GPATCH2L: variants seen among roughly 807,000 people sequenced by gnomAD.
The protein encoded by GPATCH2L is G-patch domain containing 2 like, also known as G patch domain-containing protein 2-like.
A neutral mutation model predicts 57.4 loss-of-function variants in GPATCH2L; 31 were observed. The ratio of observed to expected loss-of-function variants is 0.54; its 90% CI spans 0.41 to 0.73. The LOEUF (loss-of-function observed/expected upper bound fraction) is 0.73. Ranked by LOEUF, GPATCH2L falls within the 30% of genes least tolerant of loss-of-function variation. The probability of loss-of-function intolerance (pLI) is 0.00; values close to 1 mark genes in which losing one functional copy is unlikely to be tolerated. For synonymous variants in GPATCH2L, 199 were observed against 210.7 expected, an observed-to-expected ratio of 0.94 and a Z score of 0.48; for missense variants, 481 against 599.9, an observed-to-expected ratio of 0.80 and a Z score of 2.07.
chr14:76,166,483 C>T (rs2038844612), intron 2 of GPATCH2L, among the ~76,000 whole-genome samples, 180 bp from the exon 3 acceptor site: 1 of 152,150 alleles, frequency 6.6e-6, no homozygotes, highest in African/African-American at 2.4e-5. Flanking sequence ...GAATTCTCCT[C>T]TTATATTTCT....
intron 8 of GPATCH2L, among the ~76,000 whole-genome samples, chr14:76,186,259 A>G (rs1003596498): frequency 2.6e-5 from 4 of 152,216 alleles, no homozygotes; most frequent in South Asian, 2.1e-4. Context: ...GTTAAAAAAA[A>G]AGAGAGAGAG....
intron 1 of GPATCH2L, among the ~76,000 whole-genome samples, chr14:76,223,603 A>T (rs922526661): frequency 2.0e-5 from 3 of 152,330 alleles, no homozygotes; most frequent in East Asian, 1.9e-4. Context: ...AAAATTTAAA[A>T]TTTTTTGCTT....
rs760387653 is a variant in GPATCH2L, at chr14:76,173,538, T to C, written c.905-8T>C. 1.8e-5 allele frequency: 29 copies of C among 1,594,510 alleles called. No homozygotes were observed. Among genetic ancestry groups the C allele is most frequent in the Non-Finnish European group, 2.3e-5 (27 of 1,167,104 alleles). ...ATTCGGTATCTGAGGCCTTCCTTCT[T>C]TTTTTAGGGTACCATACTCGCTTGA... On this transcript the variant is annotated splice_polypyrimidine_tract_variant and splice_region_variant and intron_variant, in intron 4 of 9. Transcript: ENST00000261530.
At chr14:76,153,592 C>T (rs1475974079) in intron 1 of GPATCH2L, 1 of 152,188 alleles carries the variant, frequency 6.6e-6, no homozygotes, top group African/African-American at 2.4e-5. Context: ...CATTTATTTT[C>T]TGGAGGGTAG....
At chr14:76,194,190 A>G (rs570089472) in intron 8 of GPATCH2L, among the ~76,000 whole-genome samples, 1 of 152,294 alleles carries the variant, frequency 6.6e-6, no homozygotes, top group Non-Finnish European at 1.5e-5. Flanking sequence ...GGTATGAAAA[A>G]GGAAGCGTTT....
intron 2 of GPATCH2L, chr14:76,230,038 T>G (rs2040553709): frequency 6.6e-6 from 1 of 152,088 alleles, no homozygotes; most frequent in Admixed American, 6.6e-5. Flanking sequence ...AAAGTGCAGG[T>G]TTCAATAGTA....
At chr14:76,172,100 A>C in intron 4 of GPATCH2L, 81 bp downstream of exon 4, 105 of 832,620 alleles carry the variant, frequency 1.3e-4, no homozygotes, top group Non-Finnish European at 1.9e-4. Context: ...AAGCATACTC[A>C]TGCCTTCAAT....
At chr14:76,228,869 G>C (rs2040548414) in intron 1 of GPATCH2L, among the ~76,000 whole-genome samples, 1 of 152,160 alleles carries the variant, frequency 6.6e-6, no homozygotes, top group Non-Finnish European at 1.5e-5. Flanking sequence ...GGGGGGCCTG[G>C]ATATCACATC....
In GPATCH2L at chr14:76,194,851, C is replaced by T. The variant is rs368192720; in HGVS notation, c.1194-1027C>T. ...TTTTAGAACTTTTATTCATTCATAGCAGTTTTAATCAACAGCTAATGAGGA... is the reference window on the plus strand; with the variant it reads ...TTTTAGAACTTTTATTCATTCATAGTAGTTTTAATCAACAGCTAATGAGGA... On this transcript the variant is annotated intron_variant, in intron 8 of 9. Coordinates refer to ENST00000261530, the MANE Select transcript of GPATCH2L (RefSeq NM_017926.4). Among the ~76,000 whole-genome samples the T allele has an allele frequency of 1.6e-3, 244 of 152,202 alleles. 11 individuals are homozygous for T. In the South Asian group the frequency reaches 0.044, roughly 27 times the overall value.
chr14:76,175,013 A>G (rs2039258549), intron 5 of GPATCH2L: 1 of 152,208 alleles, frequency 6.6e-6, no homozygotes. Context: ...TTACAGACAA[A>G]ACGCTGCTTT....
chr14:76,229,342 C>G (rs1391425618), intron 1 of GPATCH2L, among the ~76,000 whole-genome samples: 3 of 152,190 alleles, frequency 2.0e-5, no homozygotes, highest in East Asian at 3.9e-4. Flanking sequence ...AGGGACTAAA[C>G]TCTGTGGCCC....
intron 2 of GPATCH2L, among the ~76,000 whole-genome samples, chr14:76,231,963 T>TCTCACTGCAGG (rs1555385015): frequency 2.6e-4 from 15 of 57,728 alleles, no homozygotes; most frequent in South Asian, 8.7e-4. Context: ...GGCAAACACA[T>TCTCACTGCAGG]CTCACTGCAG....
At chr14:76,174,386 G>C (rs935553512) in intron 5 of GPATCH2L, 7 of 152,218 alleles carry the variant, frequency 4.6e-5, no homozygotes, top group African/African-American at 1.4e-4. Flanking sequence ...AGAAGATGGT[G>C]GTGGGCAAAG....
At chr14:76,171,230 C>A (rs577435945) in intron 3 of GPATCH2L, among the ~76,000 whole-genome samples, 12 of 149,334 alleles carry the variant, frequency 8.0e-5, no homozygotes, top group African/African-American at 2.5e-4. Flanking sequence ...CCCAGGAGTT[C>A]AAGAGCAGCC....
At chr14:76,198,555 C>T (rs1166185164) in intron 9 of GPATCH2L, among the ~76,000 whole-genome samples, 1 of 152,172 alleles carries the variant, frequency 6.6e-6, no homozygotes, top group Non-Finnish European at 1.5e-5. Context: ...ATCAGAAATT[C>T]TGTTGAGAAC....
intron 9 of GPATCH2L, 157 bp downstream of exon 9, chr14:76,196,129 A>G: frequency 1.4e-6 from 1 of 723,982 alleles, no homozygotes; most frequent in Non-Finnish European, 2.5e-6. Flanking sequence ...TAATTAGCCT[A>G]GTTCTTGCTG....
intron 8 of GPATCH2L, among the ~76,000 whole-genome samples, chr14:76,191,140 T>TA (rs1221364189): frequency 6.6e-6 from 1 of 152,150 alleles, no homozygotes; most frequent in Non-Finnish European, 1.5e-5. Flanking sequence ...TCCTTGTTGT[T>TA]ACTGCATTTG....
At chr14:76,157,300 C>G (rs1434655805) in intron 2 of GPATCH2L, among the ~76,000 whole-genome samples, 1 of 152,196 alleles carries the variant, frequency 6.6e-6, no homozygotes, top group African/African-American at 2.4e-5. Flanking sequence ...TGTGTTCAGC[C>G]TCTCTTCAAG....
chr14:76,154,826 G>T lies in GPATCH2L; in HGVS notation c.463G>T (p.Glu155Ter). 1 of 1,614,212 alleles carries T rather than the reference G, an allele frequency of 6.2e-7. No individual in the cohort carries two copies. Among genetic ancestry groups the T allele is most frequent in the South Asian group, 1.1e-5 (1 of 91,072 alleles). ...QKLKVSDWSY[E>*]RGCRFKSAKK... ...GCTGAAGGTGTCAGATTGGAGCTAT[G>T]AGAGAGGCTGCAGGTTCAAGTCTGC... Residue 155 changes from glutamate (E) to a stop codon, truncating the protein, a stop_gained, in exon 2 of 10, where the codon GAG (glutamate) becomes TAG (stop). Transcript: ENST00000261530. LOFTEE classifies it high-confidence loss of function. The surrounding 1 kb of genome is among the most constrained non-coding windows in gnomAD (Gnocchi z 4.4).
Sources: gnomAD v4.1 joint callset for allele counts (sites outside exome capture counted in the v4.1 genomes callset) on GRCh38, gnomAD v4.1.1 for gene constraint, Gnocchi (gnomAD v3.1) non-coding constraint, MANE v1.5 for transcripts, NCBI Gene and HGNC (gene_info 2026-07-23, HGNC 2026-07-21) for gene names.